Variants in SIPA1L3 observed in about 807,000 individuals in gnomAD.
SIPA1L3 encodes signal induced proliferation associated 1 like 3.
SIPA1L3 carries 59 observed loss-of-function variants against 150.1 expected under a neutral mutation model. The observed-to-expected ratio is 0.39, with a 90% confidence interval of 0.32 to 0.49. The LOEUF (loss-of-function observed/expected upper bound fraction) is 0.49, where lower values mean the gene tolerates loss of function less well. Ranked by LOEUF, SIPA1L3 falls within the 20% of genes least tolerant of loss-of-function variation. The pLI is 0.86. For synonymous variants in SIPA1L3, 1,070 were observed against 1,077.6 expected (o/e 0.99, Z 0.14); for missense variants, 2,211 against 2,489.5 (o/e 0.89, Z 2.38).
intron 2 of SIPA1L3, among the ~76,000 whole-genome samples, chr19:38,039,841 A>G (rs957905831): frequency 1.3e-5 from 2 of 152,016 alleles, no homozygotes; most frequent in Admixed American, 1.3e-4. Context: ...TGAATTCAGC[A>G]GGGTACAGTG....
intron 15 of SIPA1L3, among the ~76,000 whole-genome samples, chr19:38,166,771 C>G: frequency 6.6e-6 from 1 of 152,106 alleles, no homozygotes; most frequent in South Asian, 2.1e-4. Context: ...GGCTCAGAAC[C>G]TGGTTGGCGC....
chr19:38,030,922 T>G (rs1244058846), intron 2 of SIPA1L3, among the ~76,000 whole-genome samples: 1 of 152,040 alleles, frequency 6.6e-6, no homozygotes, highest in Non-Finnish European at 1.5e-5. Flanking sequence ...ATTGTGGCAT[T>G]CAGACCCTGG....
chr19:38,115,212 C>T (rs1283686184), intron 8 of SIPA1L3, among the ~76,000 whole-genome samples: 1 of 152,166 alleles, frequency 6.6e-6, no homozygotes, highest in Non-Finnish European at 1.5e-5. Context: ...GGCGGCCCAA[C>T]AGGAGCAGTA....
chr19:38,131,323 G>A (rs921952139), intron 10 of SIPA1L3, among the ~76,000 whole-genome samples: 6 of 152,190 alleles, frequency 3.9e-5, no homozygotes, highest in Non-Finnish European at 5.9e-5. Flanking sequence ...CTTACAAGGC[G>A]GGCAGAGAAG....
chr19:37,956,351 A>G (rs1435339726), intron 1 of SIPA1L3, among the ~76,000 whole-genome samples: 1 of 152,074 alleles, frequency 6.6e-6, no homozygotes, highest in African/African-American at 2.4e-5. Flanking sequence ...CTATTTCTTA[A>G]TCTTGTTATT....
chr19:37,973,382 A>G (rs1402403573), intron 1 of SIPA1L3, among the ~76,000 whole-genome samples: 1 of 151,644 alleles, frequency 6.6e-6, no homozygotes, highest in Non-Finnish European at 1.5e-5. Context: ...GGTTACAGGC[A>G]TCTGCCACCA....
At chr19:38,182,768 C>A in intron 16 of SIPA1L3, 28 bp downstream of exon 16, 2 of 1,562,798 alleles carry the variant, frequency 1.3e-6, no homozygotes, top group Admixed American at 1.7e-5. Flanking sequence ...CAGCGAGGCG[C>A]CCGCCAGATC....
At chr19:38,011,920 G>T (rs1003229349) in intron 1 of SIPA1L3, among the ~76,000 whole-genome samples, 1 of 152,112 alleles carries the variant, frequency 6.6e-6, no homozygotes, top group African/African-American at 2.4e-5. Context: ...TATTTTGGAG[G>T]TAGTGGCAAC....
rs755188053 is a variant in SIPA1L3, at chr19:38,167,790, C to T, written c.4208+2884C>T. Among the ~76,000 whole-genome samples the T allele has an allele frequency of 6.0e-4, 92 of 152,154 alleles. 1 individual carries two copies. Among genetic ancestry groups the T allele is most frequent in the Non-Finnish European group, 1.9e-4 (13 of 68,030 alleles). ...GTGTTGCCAAGGTTGGTCTCGAACTCCTGGGCTCAAGCGATGCTCCCATCT... is the reference window on the plus strand; with the variant it reads ...GTGTTGCCAAGGTTGGTCTCGAACTTCTGGGCTCAAGCGATGCTCCCATCT... On this transcript the variant is annotated intron_variant, in intron 15 of 21. Coordinates refer to ENST00000222345, the MANE Select transcript of SIPA1L3 (RefSeq NM_015073.3).
intron 7 of SIPA1L3, chr19:38,108,490 A>G (rs1194082157): frequency 2.0e-5 from 3 of 152,260 alleles, no homozygotes; most frequent in Non-Finnish European, 2.9e-5. Flanking sequence ...GCCACAGTCA[A>G]TAGCTGCTTT....
intron 2 of SIPA1L3, among the ~76,000 whole-genome samples, chr19:38,045,825 G>A (rs753382372): frequency 6.6e-6 from 1 of 152,148 alleles, no homozygotes; most frequent in Non-Finnish European, 1.5e-5. Flanking sequence ...AACTGGGTGT[G>A]TTGGAGGAGC....
intron 1 of SIPA1L3, among the ~76,000 whole-genome samples, chr19:37,990,169 TG>T (rs769037129): frequency 2.6e-5 from 4 of 152,108 alleles, no homozygotes; most frequent in Non-Finnish European, 5.9e-5. Context: ...TCAACCACCC[TG>T]GAAGAATTCC....
intron 5 of SIPA1L3, 113 bp from the exon 6 acceptor site, chr19:38,100,939 C>A: frequency 1.6e-6 from 2 of 1,247,340 alleles, no homozygotes; most frequent in South Asian, 2.2e-5. Flanking sequence ...GCTCTGGGTT[C>A]CCGAGTGGTC....
intron 2 of SIPA1L3, among the ~76,000 whole-genome samples, chr19:38,065,041 C>G (rs141908418): frequency 1.0e-3 from 154 of 152,378 alleles, no homozygotes; most frequent in East Asian, 1.9e-3. Context: ...AATTTCATCT[C>G]TCTACGCAGG....
At chr19:38,148,653 C>T (rs560765921) in intron 12 of SIPA1L3, among the ~76,000 whole-genome samples, 52 of 152,254 alleles carry the variant, frequency 3.4e-4, no homozygotes, top group African/African-American at 1.2e-3. Flanking sequence ...GCTCTCTGCC[C>T]GGCGAGGCTC....
At chr19:37,971,756 G>A (rs1163712887) in intron 1 of SIPA1L3, among the ~76,000 whole-genome samples, 5 of 151,936 alleles carry the variant, frequency 3.3e-5, no homozygotes, top group African/African-American at 4.8e-5. Context: ...TATTAGAGAC[G>A]GGGTTTCATT....
chr19:38,198,528 C>G lies in SIPA1L3; in HGVS notation c.4980C>G (p.Tyr1660Ter). Reference sequence around the variant, plus strand: ...GCCTGGTGAACGCAGCCAAGGCATACGAAGGTAGGCGCCTTCCACCCAGTC... The same window carrying G: ...GCCTGGTGAACGCAGCCAAGGCATAGGAAGGTAGGCGCCTTCCACCCAGTC... ...WSSLVNAAKA[Y>*]EVQRAVSLFS... Residue 1660 changes from tyrosine to a stop codon, truncating the protein, a stop_gained, in exon 19 of 22, where the codon TAC becomes TAG. Transcript: ENST00000222345. LOFTEE classifies it high-confidence loss of function. The G allele has an allele frequency of 6.4e-7, 1 of 1,554,866 alleles. No individual in the cohort carries two copies. Among genetic ancestry groups the G allele is most frequent in the Non-Finnish European group, 8.7e-7 (1 of 1,152,420 alleles).
chr19:38,123,801 CGGCCGGGCAGAGG>C (rs1971090152), intron 9 of SIPA1L3, among the ~76,000 whole-genome samples: 2 of 144,024 alleles, frequency 1.4e-5, no homozygotes, highest in African/African-American at 2.7e-5. Flanking sequence ...GACGGGGTGG[CGGCCGGGCAGAGG>C]GGCTCCTCAC....
chr19:37,997,449 T>C (rs1416819774), intron 1 of SIPA1L3, among the ~76,000 whole-genome samples: 1 of 150,942 alleles, frequency 6.6e-6, no homozygotes, highest in Non-Finnish European at 1.5e-5. Context: ...ATGCCTGTAG[T>C]CTCAGCTACT....
Sources: allele counts gnomAD v4.1 joint callset (sites outside exome capture counted in the v4.1 genomes callset), GRCh38; gene constraint gnomAD v4.1.1; transcripts MANE v1.5; gene names NCBI Gene and HGNC (gene_info 2026-07-23, HGNC 2026-07-21).